The following SAMD12 variants were observed in gnomAD, a reference collection of about 807,000 sequenced individuals.
The protein encoded by SAMD12 is sterile alpha motif domain-containing protein 12.
SAMD12 carries 9 observed loss-of-function variants against 15.0 expected under a neutral mutation model. The observed-to-expected ratio is 0.60, with a 90% CI of 0.36 to 1.05. The LOEUF (loss-of-function observed/expected upper bound fraction) is 1.05, where lower values mean the gene tolerates loss of function less well. Among genes scored for constraint, SAMD12 ranks in the 50% least tolerant of loss-of-function variants. SAMD12 has a pLI of 0.01. For missense variants in SAMD12, 230 were observed against 234.2 expected (o/e 0.98, Z 0.12); for synonymous variants, 86 against 90.1 (o/e 0.96, Z 0.25).
rs1458252928 is a variant in SAMD12, at chr8:118,507,996, T to C, written c.193-68035A>G. ...CCCCTAGATAGTATAATCTCCTTTTTTTTTTTTTTTTTTTTGAGACAGGGT... is the reference window on the plus strand; with the variant it reads ...CCCCTAGATAGTATAATCTCCTTTTCTTTTTTTTTTTTTTTGAGACAGGGT... On this transcript the variant is annotated intron_variant, in intron 2 of 3. Coordinates refer to ENST00000314727, the MANE Select transcript of SAMD12 (RefSeq NM_207506.3). Among the ~76,000 whole-genome samples, 794 of 146,388 alleles carry C rather than the reference T, an allele frequency of 5.4e-3. 10 individuals are homozygous for C. The highest frequency in any genetic ancestry group is 0.019 in the African/African-American group (756 of 39,506).
chr8:118,230,262 A>G (rs938374001), intron 4 of SAMD12, among the ~76,000 whole-genome samples: 1 of 152,186 alleles, frequency 6.6e-6, no homozygotes, highest in Non-Finnish European at 1.5e-5. Flanking sequence ...AATTTTAGAT[A>G]TGAGGATTAA....
intron 2 of SAMD12, among the ~76,000 whole-genome samples, chr8:118,488,069 CCA>C (rs1824337615): frequency 6.6e-6 from 1 of 151,784 alleles, no homozygotes; most frequent in Non-Finnish European, 1.5e-5. Context: ...TCACAGACAT[CCA>C]GTTAGTACAG....
intron 2 of SAMD12, among the ~76,000 whole-genome samples, chr8:118,478,414 T>C (rs570574495): frequency 7.2e-5 from 11 of 152,336 alleles, no homozygotes; most frequent in African/African-American, 2.6e-4. Context: ...AACAGGGCTG[T>C]GTGGAGAGCC....
At chr8:118,234,814 T>C (rs1427644728) in intron 4 of SAMD12, among the ~76,000 whole-genome samples, 2 of 151,870 alleles carry the variant, frequency 1.3e-5, no homozygotes, top group Non-Finnish European at 2.9e-5. Flanking sequence ...AAGTAAGTCA[T>C]AATAAAATTT....
intron 4 of SAMD12, among the ~76,000 whole-genome samples, chr8:118,213,324 C>A (rs1411351865): frequency 6.6e-6 from 1 of 152,174 alleles, no homozygotes; most frequent in East Asian, 1.9e-4. Context: ...TTTAGGAGGA[C>A]TGGAAACTTC....
chr8:118,203,645 A>G (rs1168804592), intron 4 of SAMD12, among the ~76,000 whole-genome samples: 3 of 151,718 alleles, frequency 2.0e-5, no homozygotes, highest in East Asian at 3.9e-4. Flanking sequence ...GGCTTGTTAC[A>G]TATGTATACA....
intron 4 of SAMD12, among the ~76,000 whole-genome samples, chr8:118,217,571 G>A (rs1362068169): frequency 1.3e-5 from 2 of 152,172 alleles, no homozygotes; most frequent in Admixed American, 6.5e-5. Flanking sequence ...AAGAAAAAAG[G>A]TTAACTAGAT....
chr8:118,421,431 A>C (rs1382995164), intron 3 of SAMD12, among the ~76,000 whole-genome samples: 1 of 152,140 alleles, frequency 6.6e-6, no homozygotes, highest in Non-Finnish European at 1.5e-5. Context: ...GCTCTTGTTT[A>C]AGTTGTAATT....
intron 3 of SAMD12, among the ~76,000 whole-genome samples, chr8:118,380,710 C>T (rs1432389376): frequency 1.3e-5 from 2 of 152,170 alleles, no homozygotes; most frequent in South Asian, 2.1e-4. Flanking sequence ...TTACATGTGA[C>T]GAATGATGTC....
chr8:118,552,031 A>G (rs996091112), intron 2 of SAMD12, among the ~76,000 whole-genome samples: 3 of 151,876 alleles, frequency 2.0e-5, no homozygotes, highest in African/African-American at 7.3e-5. Flanking sequence ...TGTGGCAATA[A>G]TCAATAGCTT....
At chr8:118,545,903 C>G (rs936353328) in intron 2 of SAMD12, among the ~76,000 whole-genome samples, 7 of 152,098 alleles carry the variant, frequency 4.6e-5, no homozygotes, top group African/African-American at 1.4e-4. Context: ...AGTGAGAGAC[C>G]GAGCTGATTG....
chr8:118,426,015 G>T (rs1395300448), intron 3 of SAMD12, among the ~76,000 whole-genome samples: 1 of 152,132 alleles, frequency 6.6e-6, no homozygotes, highest in Non-Finnish European at 1.5e-5. Flanking sequence ...GTGAAAAAAA[G>T]GAGACAGAAG....
chr8:118,447,671 T>A (rs1004429007), intron 2 of SAMD12, among the ~76,000 whole-genome samples: 2 of 150,898 alleles, frequency 1.3e-5, no homozygotes, highest in Non-Finnish European at 2.9e-5. Context: ...TTTGATGTCA[T>A]CTTTCATTTT....
At chr8:118,196,213 A>G (rs1409806115) in exon 5 of SAMD12, 1 of 152,164 alleles carries the variant, frequency 6.6e-6, no homozygotes, top group Non-Finnish European at 1.5e-5. Flanking sequence ...ATGCTTATGT[A>G]TCTGGAGACA....
chr8:118,252,763 G>C (rs533148923), intron 4 of SAMD12, among the ~76,000 whole-genome samples: 2 of 152,196 alleles, frequency 1.3e-5, no homozygotes, highest in Admixed American at 6.5e-5. Context: ...AGTGAGTGTA[G>C]AAGGCGCTGG....
intron 2 of SAMD12, among the ~76,000 whole-genome samples, chr8:118,503,211 C>T (rs1411978519): frequency 6.6e-6 from 1 of 152,114 alleles, no homozygotes; most frequent in Non-Finnish European, 1.5e-5. Flanking sequence ...TCCATTAATG[C>T]CGTCTGTAGG....
At chr8:118,342,262 C>CTGCA (rs1817409985) in intron 4 of SAMD12, among the ~76,000 whole-genome samples, 1 of 148,464 alleles carries the variant, frequency 6.7e-6, no homozygotes, top group Non-Finnish European at 1.5e-5. Context: ...ACACTGCACA[C>CTGCA]CAGCCTGGGC....
intron 4 of SAMD12, among the ~76,000 whole-genome samples, chr8:118,326,411 A>T (rs139674157): frequency 1.3e-5 from 2 of 152,290 alleles, no homozygotes; most frequent in East Asian, 3.9e-4. Flanking sequence ...TTACACCCAA[A>T]GTATATCCCG....
rs541484866 is a variant in SAMD12, at chr8:118,509,386, C to A, written c.193-69425G>T. On this transcript the variant is annotated intron_variant, in intron 2 of 3. Transcript: ENST00000314727. ...GTACAGGTGGGCCAGGAAACTGGGG[C>A]GGGCCTGACTGGCTGGCAGCAGAAA... Among the ~76,000 whole-genome samples, 6 of 152,210 alleles carry A rather than the reference C, an allele frequency of 3.9e-5. No individual in the cohort carries two copies. In the East Asian group the frequency reaches 1.2e-3, roughly 29 times the overall value.
Sources: gnomAD v4.1 joint callset for allele counts (sites outside exome capture counted in the v4.1 genomes callset) on GRCh38, gnomAD v4.1.1 for gene constraint, MANE v1.5 for transcripts, NCBI Gene and HGNC (gene_info 2026-07-23, HGNC 2026-07-21) for gene names.